Variants in PPM1A observed in about 807,000 individuals in gnomAD.
PPM1A encodes the protein protein phosphatase, Mg2+/Mn2+ dependent 1A.
PPM1A carries 7 observed loss-of-function variants against 35.0 expected under a neutral mutation model. The observed-to-expected ratio is 0.20, with a 90% CI of 0.11 to 0.38. PPM1A has a LOEUF of 0.38. Ranked by LOEUF, PPM1A falls within the 10% of genes least tolerant of loss-of-function variation. The pLI is 1.00. For missense variants in PPM1A, 239 were observed against 467.8 expected, an observed-to-expected ratio of 0.51 and a Z score of 4.51; for synonymous variants, 153 against 167.3, an observed-to-expected ratio of 0.91 and a Z score of 0.66.
intron 1 of PPM1A, among the ~76,000 whole-genome samples, chr14:60,262,861 G>C (rs1883913952): frequency 6.6e-6 from 1 of 152,190 alleles, no homozygotes; most frequent in Non-Finnish European, 1.5e-5. Flanking sequence ...GGTATTTTCT[G>C]ATTCTCTTAG....
chr14:60,253,445 A>G (rs1349037033), intron 1 of PPM1A, among the ~76,000 whole-genome samples: 1 of 152,170 alleles, frequency 6.6e-6, no homozygotes, highest in Admixed American at 6.5e-5. Context: ...CCAGGATCAG[A>G]TCTGGGTAGA....
chr14:60,265,795 A>G (rs1884306460), intron 1 of PPM1A, among the ~76,000 whole-genome samples: 1 of 152,140 alleles, frequency 6.6e-6, no homozygotes, highest in Non-Finnish European at 1.5e-5. Context: ...AGACGGGGCC[A>G]GACTCGATTT....
upstream of PPM1A, chr14:60,246,069 T>C (rs1355132854): frequency 3.9e-6 from 6 of 1,551,216 alleles, no homozygotes; most frequent in Admixed American, 8.0e-5. Flanking sequence ...GAAGGAATTG[T>C]TGAACCTATG....
chr14:60,276,243 G>C (rs2032556848), intron 1 of PPM1A, among the ~76,000 whole-genome samples: 1 of 152,174 alleles, frequency 6.6e-6, no homozygotes, highest in African/African-American at 2.4e-5. Context: ...CAAGTAATTT[G>C]AATATTGCCA....
rs1408845134 is a variant in PPM1A, at chr14:60,294,404, A to G, written c.*1922A>G. On this transcript the variant is annotated 3_prime_UTR_variant, in exon 6 of 6. Transcript: ENST00000395076. The stretch of plus-strand genomic sequence containing the variant: ...ATTCCATACTTACAATAAATACTTA[A>G]TGTCTAAATCTGTGGTAGAGTGCGA... The G allele has an allele frequency of 6.6e-6, 1 of 151,962 alleles. No homozygotes were observed. 9.4% of individuals were successfully genotyped at this position (151,962 alleles called of 1,614,324 possible). A position where few individuals can be genotyped will look rare whatever the true frequency, so the allele number is the denominator to read the frequency against.
At chr14:60,259,522 T>C (rs1883508514) in intron 1 of PPM1A, among the ~76,000 whole-genome samples, 1 of 152,068 alleles carries the variant, frequency 6.6e-6, no homozygotes. Flanking sequence ...TGCGGCGATT[T>C]ATAAGTAGCA....
chr14:60,290,704 C>G (rs1391940393), intron 4 of PPM1A, among the ~76,000 whole-genome samples: 2 of 152,066 alleles, frequency 1.3e-5, no homozygotes, highest in Non-Finnish European at 2.9e-5. Flanking sequence ...CTGTGTTTTG[C>G]AAGTGTGACC....
At position 60,295,729 on chromosome 14, in the gene PPM1A, G is replaced by A. The variant is rs1443906688; in HGVS notation, c.*3247G>A. On this transcript the variant is annotated 3_prime_UTR_variant, in exon 6 of 6. Coordinates refer to ENST00000395076, the MANE Select transcript of PPM1A (RefSeq NM_021003.5). ...CTGGACAATTTATAATCTAGTGTATGTTAGTATTATAACTGGATCACTCAT... is the reference window on the plus strand; with the variant it reads ...CTGGACAATTTATAATCTAGTGTATATTAGTATTATAACTGGATCACTCAT... The A allele has an allele frequency of 6.6e-6, 1 of 151,526 alleles. No individual in the cohort carries two copies. Among genetic ancestry groups the A allele is most frequent in the Non-Finnish European group, 1.5e-5 (1 of 67,644 alleles). 9.4% of individuals were successfully genotyped at this position (151,526 alleles called of 1,614,324 possible).
chr14:60,292,358 C>A lies in PPM1A; in HGVS notation c.1120-95C>A. ...ATTTATATTCTAAAAGTCATCTTTA[C>A]AGAACATTATCTTTCTCCATTATCC... On this transcript the variant is annotated intron_variant, in intron 5 of 5. Coordinates refer to ENST00000395076, the MANE Select transcript of PPM1A (RefSeq NM_021003.5). This position sits in a 1 kb window ranked among gnomAD's most constrained non-coding sequence, Gnocchi z 4.2. 2.2e-6 allele frequency: 2 copies of A among 905,224 alleles called. No homozygotes were observed. The highest frequency in any genetic ancestry group is 3.5e-6 in the Non-Finnish European group (2 of 563,964). The allele number at this position is 905,224 out of a possible 1,614,324, so 56.1% of individuals were successfully genotyped here. A position where few individuals can be genotyped will look rare whatever the true frequency, so the allele number is the denominator to read the frequency against.
chr14:60,284,290 T>C (rs1886706294), intron 2 of PPM1A, among the ~76,000 whole-genome samples: 1 of 152,218 alleles, frequency 6.6e-6, no homozygotes. Context: ...TTTTGTACTC[T>C]ACATTCCTGA....
intron 4 of PPM1A, among the ~76,000 whole-genome samples, chr14:60,290,856 A>T (rs574468617): frequency 6.6e-6 from 1 of 152,142 alleles, no homozygotes; most frequent in Non-Finnish European, 1.5e-5. Context: ...TAGGGAGACT[A>T]TAACTTATAA....
chr14:60,282,651 GT>G lies in PPM1A; in HGVS notation c.-20-31del. 1 of 1,596,264 alleles carries G rather than the reference GT, an allele frequency of 6.3e-7. No individual in the cohort carries two copies. Among genetic ancestry groups the G allele is most frequent in the Non-Finnish European group, 8.5e-7 (1 of 1,170,408 alleles). On this transcript the variant is annotated intron_variant, in intron 1 of 5. Coordinates refer to ENST00000395076, the MANE Select transcript of PPM1A (RefSeq NM_021003.5). The surrounding 1 kb of genome is among the most constrained non-coding windows in gnomAD (Gnocchi z 5.1). ...TGGTACATATTTTGTTTATAAGACA[GT>G]TATTGACTTTCCTGTTTCTCTTCCT...
chr14:60,275,669 C>CA (rs1885667242), intron 1 of PPM1A, among the ~76,000 whole-genome samples: 1 of 151,866 alleles, frequency 6.6e-6, no homozygotes, highest in South Asian at 2.1e-4. Context: ...TTTACAGAGT[C>CA]ACGCTATTTT....
In PPM1A at chr14:60,280,305, CCTT is replaced by C. The variant is rs544554972; in HGVS notation, c.-20-2375_-20-2373del. ...AGGCGTGAGCCACCACACCTGGCTGCCTTCTTATATGCTTATACAGGAACAGAT... is the reference window on the plus strand; with the variant it reads ...AGGCGTGAGCCACCACACCTGGCTGCCTTATATGCTTATACAGGAACAGAT... On this transcript the variant is annotated intron_variant, in intron 1 of 5. Transcript: ENST00000395076. Among the ~76,000 whole-genome samples the C allele has an allele frequency of 7.9e-4, 120 of 152,258 alleles. 1 individual carries two copies. Among genetic ancestry groups the C allele is most frequent in the Non-Finnish European group, 1.3e-3 (89 of 68,012 alleles).
At chr14:60,258,660 T>C (rs192668863) in intron 1 of PPM1A, among the ~76,000 whole-genome samples, 13 of 152,256 alleles carry the variant, frequency 8.5e-5, no homozygotes, top group African/African-American at 2.6e-4. Context: ...AAGACAACCA[T>C]GTATTCTATA....
Position 60,249,260 on chromosome 14 carries a change from A to G in PPM1A, c.-438A>G. 1 of 981,690 alleles carries G rather than the reference A, an allele frequency of 1.0e-6. No homozygotes were observed. The highest frequency in any genetic ancestry group is 1.2e-6 in the Non-Finnish European group (1 of 830,432). 60.8% of individuals were successfully genotyped at this position (981,690 alleles called of 1,614,324 possible). On this transcript the variant is annotated 5_prime_UTR_variant, in exon 1 of 6. Transcript: ENST00000395076. This position sits in a 1 kb window ranked among gnomAD's most constrained non-coding sequence, Gnocchi z 4.5. The stretch of plus-strand genomic sequence containing the variant: ...CGGCGGTGGCGGCGCTAGGGACGGG[A>G]GCGCGCGCGGGAGCTAGAGAGCAGT...
At chr14:60,262,848 G>C (rs1183448209) in intron 1 of PPM1A, among the ~76,000 whole-genome samples, 1 of 152,212 alleles carries the variant, frequency 6.6e-6, no homozygotes, top group African/African-American at 2.4e-5. Flanking sequence ...CTATCATTGT[G>C]CTGGTATTTT....
rs1373708431 is a variant in PPM1A, at chr14:60,296,396, T to C, written c.*3914T>C. 1 of 193,044 alleles carries C rather than the reference T, an allele frequency of 5.2e-6. No homozygotes were observed. The highest frequency in any genetic ancestry group is 1.0e-5 in the Non-Finnish European group (1 of 95,930). 12.0% of individuals were successfully genotyped at this position (193,044 alleles called of 1,614,324 possible). A position where few individuals can be genotyped will look rare whatever the true frequency, so the allele number is the denominator to read the frequency against. ...TTCAAACTCAGCTGTTTGTACAGTA[T>C]TGTATTAGGATTTGGTATTAGAAAA... On this transcript the variant is annotated 3_prime_UTR_variant, in exon 6 of 6. Transcript: ENST00000395076. This position sits in a 1 kb window ranked among gnomAD's most constrained non-coding sequence, Gnocchi z 4.4.
intron 1 of PPM1A, among the ~76,000 whole-genome samples, chr14:60,280,989 T>C (rs1279888521): frequency 6.6e-6 from 1 of 152,150 alleles, no homozygotes; most frequent in African/African-American, 2.4e-5. Context: ...CTTGGCCAAG[T>C]TCTTTAATCT....
Sources: gnomAD v4.1 joint callset for allele counts (sites outside exome capture counted in the v4.1 genomes callset) on GRCh38, gnomAD v4.1.1 for gene constraint, Gnocchi (gnomAD v3.1) non-coding constraint, MANE v1.5 for transcripts, NCBI Gene and HGNC (gene_info 2026-07-23, HGNC 2026-07-21) for gene names.